PACRG: variants seen among roughly 807,000 people sequenced by gnomAD.
The protein encoded by PACRG is parkin coregulated, also known as parkin coregulated gene protein.
Under a neutral mutation model 29.7 loss-of-function variants are expected in PACRG, and 29 were observed. The observed-to-expected ratio is 0.98, with a 90% confidence interval of 0.73 to 1.33. The LOEUF is 1.33. PACRG is among the 40% of genes most tolerant of loss of function. PACRG has a pLI of 0.00. For synonymous variants in PACRG, 116 were observed against 118.7 expected (o/e 0.98, Z 0.15); for missense variants, 279 against 316.2 (o/e 0.88, Z 0.89).
At chr6:162,993,988 CCTT>C (rs1316501813) in intron 2 of PACRG, among the ~76,000 whole-genome samples, 1 of 101,018 alleles carries the variant, frequency 9.9e-6, no homozygotes, top group Non-Finnish European at 1.8e-5. Flanking sequence ...TTTTATTTCT[CCTT>C]CACTTATGAA....
chr6:162,890,913 C>T (rs1264892966), intron 2 of PACRG, among the ~76,000 whole-genome samples: 1 of 152,170 alleles, frequency 6.6e-6, no homozygotes, highest in African/African-American at 2.4e-5. Flanking sequence ...AGGGAGGCAG[C>T]TTCCACCCAG....
At chr6:163,191,345 T>A (rs1780201203) in intron 4 of PACRG, among the ~76,000 whole-genome samples, 1 of 152,124 alleles carries the variant, frequency 6.6e-6, no homozygotes, top group South Asian at 2.1e-4. Context: ...ATTCCTCAGC[T>A]CAGTGTCAAG....
chr6:162,785,201 AGG>A (rs1491268108), intron 1 of PACRG, among the ~76,000 whole-genome samples: 70 of 145,468 alleles, frequency 4.8e-4, no homozygotes, highest in African/African-American at 1.1e-3. Context: ...AGAGAGAGAG[AGG>A]GAGAGAAAGG....
intron 3 of PACRG, among the ~76,000 whole-genome samples, chr6:163,069,627 A>G (rs2128277314): frequency 8.4e-6 from 1 of 119,624 alleles, no homozygotes; most frequent in South Asian, 3.0e-4. Flanking sequence ...AAAAGAAAAA[A>G]GAATATAAAA....
At chr6:162,820,756 A>T (rs892182488) in intron 2 of PACRG, among the ~76,000 whole-genome samples, 2 of 152,218 alleles carry the variant, frequency 1.3e-5, no homozygotes, top group African/African-American at 4.8e-5. Context: ...ATCAAGGAGA[A>T]TGAATGTTCT....
At chr6:162,878,544 A>C (rs1362297263) in intron 2 of PACRG, among the ~76,000 whole-genome samples, 1 of 152,152 alleles carries the variant, frequency 6.6e-6, no homozygotes, top group Non-Finnish European at 1.5e-5. Context: ...TGTTACTTGG[A>C]TTCAAAGAGT....
chr6:163,090,503 A>G (rs1813999962), intron 4 of PACRG, among the ~76,000 whole-genome samples: 1 of 152,236 alleles, frequency 6.6e-6, no homozygotes, highest in Non-Finnish European at 1.5e-5. Flanking sequence ...ACATTCAGGC[A>G]AGATGGTTAG....
At chr6:162,957,280 T>C in intron 2 of PACRG, 1 of 545,734 alleles carries the variant, frequency 1.8e-6, no homozygotes, top group Non-Finnish European at 3.5e-6. Flanking sequence ...CACAATGATT[T>C]TCTGCTCCTC....
intron 2 of PACRG, among the ~76,000 whole-genome samples, chr6:162,989,736 C>CT: frequency 8.1e-6 from 1 of 123,400 alleles, no homozygotes; most frequent in East Asian, 2.7e-4. Context: ...TTTTTTTTTT[C>CT]TTTTCTTTTT....
At chr6:163,255,003 A>G (rs1475314581) in intron 4 of PACRG, among the ~76,000 whole-genome samples, 3 of 152,234 alleles carry the variant, frequency 2.0e-5, no homozygotes, top group African/African-American at 7.2e-5. Flanking sequence ...TACACGTGAA[A>G]CCGAGGCTCA....
chr6:162,779,296 G>A (rs1221854465), intron 1 of PACRG, among the ~76,000 whole-genome samples: 1 of 152,114 alleles, frequency 6.6e-6, no homozygotes, highest in Non-Finnish European at 1.5e-5. Flanking sequence ...GAGCATTCGG[G>A]TTGATTTCAT....
chr6:162,753,091 C>T (rs1781634149), intron 1 of PACRG, among the ~76,000 whole-genome samples: 2 of 151,546 alleles, frequency 1.3e-5, no homozygotes. Context: ...TCTTGCTCAC[C>T]ATTTCTTATG....
chr6:163,070,408 G>A (rs1440916014), intron 3 of PACRG, among the ~76,000 whole-genome samples: 2 of 151,900 alleles, frequency 1.3e-5, no homozygotes, highest in Non-Finnish European at 2.9e-5. Context: ...AAAGCAGGGG[G>A]ACAAAGTTAA....
chr6:163,062,187 C>T lies in PACRG; in HGVS notation c.329C>T (p.Pro110Leu). Residue 110 changes from proline to leucine, a missense_variant, in exon 3 of 5, where the codon CCT becomes CTT. Physicochemically the swap from Pro to Leu is moderately conservative, Grantham distance 98. Coordinates refer to ENST00000366888, the MANE Select transcript of PACRG (RefSeq NM_001080379.2). ...IEKLDYHHYL[P>L]LFFDGLCEMT... ...AAGCTGGATTACCATCATTATCTGCCTCTGTTTTTTGATGGGCTTTGTGAA... is the reference window on the plus strand; with the variant it reads ...AAGCTGGATTACCATCATTATCTGCTTCTGTTTTTTGATGGGCTTTGTGAA... 1 of 1,614,102 alleles carries T rather than the reference C, an allele frequency of 6.2e-7. No individual in the cohort carries two copies. The highest frequency in any genetic ancestry group is 1.7e-5 in the Admixed American group (1 of 60,002).
At chr6:162,950,433 G>A (rs951614302) in intron 2 of PACRG, among the ~76,000 whole-genome samples, 3 of 152,218 alleles carry the variant, frequency 2.0e-5, no homozygotes, top group South Asian at 2.1e-4. Context: ...GCATGAACCC[G>A]GGAGGCGGAG....
At chr6:163,271,787 C>T (rs115699139) in intron 4 of PACRG, among the ~76,000 whole-genome samples, 248 of 152,236 alleles carry the variant, frequency 1.6e-3, no homozygotes, top group African/African-American at 5.8e-3. Flanking sequence ...AAATTTGAGA[C>T]CAATATGTCT....
At chr6:163,001,520 A>G (rs796535419) in intron 2 of PACRG, among the ~76,000 whole-genome samples, 14 of 152,344 alleles carry the variant, frequency 9.2e-5, no homozygotes, top group African/African-American at 3.4e-4. Flanking sequence ...ATCAAAGAGA[A>G]CAGAGAAAGA....
chr6:162,775,945 A>G (rs1021221790), intron 1 of PACRG, among the ~76,000 whole-genome samples: 16 of 152,194 alleles, frequency 1.1e-4, no homozygotes, highest in African/African-American at 3.9e-4. Flanking sequence ...TCAAAGGTAG[A>G]TATAGGTTTT....
chr6:162,910,760 G>A (rs183849491), intron 2 of PACRG, among the ~76,000 whole-genome samples: 111 of 152,230 alleles, frequency 7.3e-4, no homozygotes, highest in Admixed American at 1.8e-3. Flanking sequence ...GAGGCAGTGG[G>A]GTCTCCAAAA....
Sources: allele counts gnomAD v4.1 joint callset (sites outside exome capture counted in the v4.1 genomes callset), GRCh38; gene constraint gnomAD v4.1.1; transcripts MANE v1.5; gene names NCBI Gene and HGNC (gene_info 2026-07-23, HGNC 2026-07-21).